AGBL1: variants seen among roughly 807,000 people sequenced by gnomAD.
AGBL1 encodes the protein cytosolic carboxypeptidase 4.
Under a neutral mutation model 118.9 loss-of-function variants are expected in AGBL1, and 130 were observed. The ratio of observed to expected loss-of-function variants is 1.09; its 90% CI spans 0.95 to 1.26. The LOEUF is 1.26. AGBL1 is among the 50% of genes most tolerant of loss of function. The pLI is 0.00. For missense variants in AGBL1, 1,584 were observed against 1,298.1 expected, an observed-to-expected ratio of 1.22 and a Z score of -3.38; for synonymous variants, 555 against 478.9, an observed-to-expected ratio of 1.16 and a Z score of -2.08.
chr15:86,190,686 C>G (rs1032469875), intron 5 of AGBL1, among the ~76,000 whole-genome samples: 15 of 152,216 alleles, frequency 9.9e-5, no homozygotes, highest in African/African-American at 3.4e-4. Context: ...ACCCTTACCT[C>G]CAACCGAACA....
At chr15:86,971,236 A>G (rs2081105334) in intron 23 of AGBL1, among the ~76,000 whole-genome samples, 1 of 152,026 alleles carries the variant, frequency 6.6e-6, no homozygotes, top group Non-Finnish European at 1.5e-5. Flanking sequence ...ACTTGGATGT[A>G]GATGAAACCT....
At chr15:86,322,689 T>C (rs1014253203) in intron 17 of AGBL1, among the ~76,000 whole-genome samples, 3 of 152,148 alleles carry the variant, frequency 2.0e-5, no homozygotes, top group Non-Finnish European at 4.4e-5. Flanking sequence ...CCTGAGAGAA[T>C]TTCTTCTGCT....
intron 3 of AGBL1, among the ~76,000 whole-genome samples, chr15:86,146,306 A>G (rs2077033120): frequency 6.6e-6 from 1 of 152,250 alleles, no homozygotes; most frequent in South Asian, 2.1e-4. Context: ...ACAGTTTAAC[A>G]ATGATTTACA....
intron 17 of AGBL1, among the ~76,000 whole-genome samples, chr15:86,355,593 T>G (rs1262646837): frequency 6.6e-6 from 1 of 152,212 alleles, no homozygotes; most frequent in Admixed American, 6.5e-5. Context: ...CCAGCCAATA[T>G]TATATGTATG....
Position 86,460,166 on chromosome 15 carries a change from C to T in AGBL1, c.2555+62620C>T, listed in dbSNP as rs147941079. Among the ~76,000 whole-genome samples, 14 of 151,706 alleles carry T rather than the reference C, an allele frequency of 9.2e-5. No individual in the cohort carries two copies. The East Asian group carries it at 2.5e-3, about 27-fold the overall frequency. ...TTGCAGCTACTTAGATGTCAAGGGA[C>T]AAACTGCACCATTAAAAAAGTAAAA... On this transcript the variant is annotated intron_variant, in intron 18 of 22. Coordinates refer to ENST00000614907, the MANE Select transcript of AGBL1 (RefSeq NM_001386094.1).
At chr15:86,588,529 C>T (rs2084286871) in intron 21 of AGBL1, among the ~76,000 whole-genome samples, 1 of 152,174 alleles carries the variant, frequency 6.6e-6, no homozygotes, top group Non-Finnish European at 1.5e-5. Context: ...GGCTTTTCAA[C>T]ATTTTTCATA....
intron 16 of AGBL1, among the ~76,000 whole-genome samples, chr15:86,293,470 A>G (rs184237230): frequency 5.3e-4 from 81 of 152,286 alleles, no homozygotes; most frequent in African/African-American, 1.8e-3. Context: ...TGGGGCCAGC[A>G]GTTGTTCTCT....
intron 18 of AGBL1, among the ~76,000 whole-genome samples, chr15:86,456,507 G>T (rs2082260013): frequency 6.6e-6 from 1 of 152,166 alleles, no homozygotes; most frequent in African/African-American, 2.4e-5. Context: ...CAGTTGAGAA[G>T]AAAAACCTCT....
chr15:87,012,769 A>G (rs1403529038), intron 24 of AGBL1, among the ~76,000 whole-genome samples: 1 of 152,030 alleles, frequency 6.6e-6, no homozygotes, highest in African/African-American at 2.4e-5. Context: ...AAGCTAAATA[A>G]AAAGTGAAAC....
chr15:86,831,573 T>A lies in AGBL1; in HGVS notation c.3159-75514T>A, dbSNP rs193019498. Among the ~76,000 whole-genome samples, 135 of 152,348 alleles carry A rather than the reference T, an allele frequency of 8.9e-4. 1 individual carries two copies. The highest frequency in any genetic ancestry group is 3.1e-3 in the African/African-American group (130 of 41,588). On this transcript the variant is annotated intron_variant, in intron 22 of 22. Transcript: ENST00000614907. ...ATTTTAAAGCTCCAGAATGTTCTCC[T>A]TTGACCCCATGTCTCACATCCAGGT...
At chr15:86,496,599 CT>C (rs1431339021) in intron 18 of AGBL1, among the ~76,000 whole-genome samples, 1 of 151,714 alleles carries the variant, frequency 6.6e-6, no homozygotes, top group African/African-American at 2.4e-5. Flanking sequence ...TTTTAACTTC[CT>C]TTTAATATTC....
At chr15:86,927,450 G>A (rs1467093775) in intron 23 of AGBL1, among the ~76,000 whole-genome samples, 1 of 151,634 alleles carries the variant, frequency 6.6e-6, no homozygotes, top group Non-Finnish European at 1.5e-5. Context: ...GCCAGGTGTG[G>A]TGGCACAGGC....
chr15:86,879,987 A>G (rs1311775566), intron 22 of AGBL1, among the ~76,000 whole-genome samples: 1 of 152,186 alleles, frequency 6.6e-6, no homozygotes, highest in Non-Finnish European at 1.5e-5. Context: ...GAGATGCTTA[A>G]AAAGGAAAGA....
At chr15:86,692,674 A>T (rs971942969) in intron 22 of AGBL1, among the ~76,000 whole-genome samples, 3 of 152,130 alleles carry the variant, frequency 2.0e-5, no homozygotes, top group African/African-American at 7.2e-5. Flanking sequence ...TAAGTTCTTC[A>T]GTGGTGATTT....
intron 22 of AGBL1, among the ~76,000 whole-genome samples, chr15:86,848,131 A>G (rs140288936): frequency 1.7e-4 from 26 of 152,046 alleles, no homozygotes; most frequent in East Asian, 5.8e-4. Flanking sequence ...TATTATGTCA[A>G]TTGAGTGGGG....
intron 21 of AGBL1, among the ~76,000 whole-genome samples, chr15:86,640,609 TAAC>T (rs2085174562): frequency 1.3e-5 from 2 of 152,138 alleles, no homozygotes; most frequent in African/African-American, 4.8e-5. Context: ...ATATATGTAA[TAAC>T]AAGTTTAACC....
chr15:86,750,266 G>T (rs1467389095), intron 22 of AGBL1, among the ~76,000 whole-genome samples: 1 of 151,926 alleles, frequency 6.6e-6, no homozygotes, highest in Non-Finnish European at 1.5e-5. Context: ...TAATTATTAA[G>T]TATAAGATTT....
At chr15:86,961,492 G>A (rs1167164372) in intron 23 of AGBL1, among the ~76,000 whole-genome samples, 2 of 152,024 alleles carry the variant, frequency 1.3e-5, no homozygotes, top group Non-Finnish European at 2.9e-5. Flanking sequence ...GCCAGCAAAC[G>A]AGACCTGGGG....
At chr15:86,840,886 C>A (rs2079235601) in intron 22 of AGBL1, among the ~76,000 whole-genome samples, 1 of 152,150 alleles carries the variant, frequency 6.6e-6, no homozygotes, top group Admixed American at 6.5e-5. Flanking sequence ...CATGCTATTT[C>A]TCCAGAACTT....
Sources: gnomAD v4.1 joint callset for allele counts (sites outside exome capture counted in the v4.1 genomes callset) on GRCh38, gnomAD v4.1.1 for gene constraint, MANE v1.5 for transcripts, NCBI Gene and HGNC (gene_info 2026-07-23, HGNC 2026-07-21) for gene names.